SLC1A3: variants seen among roughly 807,000 people sequenced by gnomAD.
SLC1A3 encodes the protein excitatory amino acid transporter 1.
In SLC1A3, 21 loss-of-function variants were observed where a neutral mutation model predicts 48.1. The observed-to-expected ratio is 0.44, with a 90% CI of 0.31 to 0.63. The LOEUF is 0.63. Ranked by LOEUF, SLC1A3 falls within the 20% of genes least tolerant of loss-of-function variation. The pLI, the probability that SLC1A3 is intolerant of heterozygous loss-of-function variation, is 0.08. For missense variants in SLC1A3, 546 were observed against 689.0 expected (o/e 0.79, Z 2.32); for synonymous variants, 239 against 251.4 (o/e 0.95, Z 0.47).
At chr5:36,676,811 T>G in intron 5 of SLC1A3, 81 bp from the exon 6 acceptor site, 2 of 1,079,716 alleles carry the variant, frequency 1.9e-6, no homozygotes, top group Non-Finnish European at 2.7e-6. Context: ...CAGTAATCAT[T>G]TTAGAAAATT....
chr5:36,629,402 C>G (rs769256490), intron 2 of SLC1A3, 48 bp from the exon 3 acceptor site: 27 of 1,548,006 alleles, frequency 1.7e-5, no homozygotes, highest in Non-Finnish European at 3.5e-6. Flanking sequence ...CCTTCTGTTT[C>G]AAAAAAGACT....
At chr5:36,629,357 C>G (rs1740036387) in intron 2 of SLC1A3, 93 bp from the exon 3 acceptor site, 3 of 1,101,662 alleles carry the variant, frequency 2.7e-6, no homozygotes, top group South Asian at 2.7e-5. Context: ...AATACAACCA[C>G]CAGCCAAATA....
intron 3 of SLC1A3, 83 bp from the exon 4 acceptor site, chr5:36,670,946 T>A (rs1741966005): frequency 1.7e-6 from 2 of 1,206,496 alleles, no homozygotes; most frequent in Admixed American, 3.6e-5. Context: ...TAGGGGAGTA[T>A]AAAGGAAATG....
intron 4 of SLC1A3, among the ~76,000 whole-genome samples, chr5:36,672,289 A>G (rs1294904236): frequency 6.6e-6 from 1 of 152,210 alleles, no homozygotes. Flanking sequence ...GTAGGAAGCC[A>G]GAGGGCAAGA....
At chr5:36,596,841 A>G (rs373921810) in intron 1 of SLC1A3, among the ~76,000 whole-genome samples, 39 of 152,316 alleles carry the variant, frequency 2.6e-4, no homozygotes, top group African/African-American at 9.1e-4. Flanking sequence ...TGGTGAATCT[A>G]TTGCCCTTTA....
At chr5:36,609,646 A>G (rs1254650490) in intron 2 of SLC1A3, among the ~76,000 whole-genome samples, 1 of 152,186 alleles carries the variant, frequency 6.6e-6, no homozygotes, top group Non-Finnish European at 1.5e-5. Context: ...ATAGCAGGAG[A>G]GTTTGTCACA....
chr5:36,626,444 A>G (rs575869270), intron 2 of SLC1A3, among the ~76,000 whole-genome samples: 26 of 152,224 alleles, frequency 1.7e-4, no homozygotes, highest in Non-Finnish European at 3.5e-4. Flanking sequence ...AATAACAAAC[A>G]GCCAACTTGG....
At chr5:36,600,070 A>G (rs1424855923) in intron 1 of SLC1A3, among the ~76,000 whole-genome samples, 1 of 152,082 alleles carries the variant, frequency 6.6e-6, no homozygotes, top group Non-Finnish European at 1.5e-5. Context: ...AGTTTATGGG[A>G]ATTTCATTCT....
chr5:36,641,185 T>G (rs1740604672), intron 3 of SLC1A3, among the ~76,000 whole-genome samples: 1 of 152,184 alleles, frequency 6.6e-6, no homozygotes, highest in African/African-American at 2.4e-5. Flanking sequence ...GCTGTGAAAT[T>G]TGGGGACAAA....
intron 2 of SLC1A3, among the ~76,000 whole-genome samples, chr5:36,620,931 G>T (rs1739638167): frequency 1.3e-5 from 2 of 150,976 alleles, no homozygotes; most frequent in Non-Finnish European, 2.9e-5. Context: ...TTTTAGGCAG[G>T]GTCTCTCTCT....
At chr5:36,670,608 C>T (rs563951057) in intron 3 of SLC1A3, among the ~76,000 whole-genome samples, 3 of 152,230 alleles carry the variant, frequency 2.0e-5, no homozygotes, top group African/African-American at 7.2e-5. Context: ...TTGAGGTAAA[C>T]TTAGATTATC....
Position 36,628,482 on chromosome 5 carries a change from A to C in SLC1A3, c.182-968A>C, listed in dbSNP as rs1739999928. On this transcript the variant is annotated intron_variant, in intron 2 of 9. Transcript: ENST00000265113. Reference sequence around the variant, plus strand: ...GGGCATGCTGCTTTCTCTATAACTTACATGGACTTTTTTAAAAAATGGAAT... The same window carrying C: ...GGGCATGCTGCTTTCTCTATAACTTCCATGGACTTTTTTAAAAAATGGAAT... Among the ~76,000 whole-genome samples the C allele has an allele frequency of 3.3e-5, 5 of 152,172 alleles. No individual in the cohort carries two copies. The South Asian group carries it at 1.0e-3, about 32-fold the overall frequency.
chr5:36,601,950 GTATGCAGTAGT>G (rs1277463853), upstream of SLC1A3, among the ~76,000 whole-genome samples: 1 of 152,104 alleles, frequency 6.6e-6, no homozygotes, highest in African/African-American at 2.4e-5. Context: ...TGGTTCCTAA[GTATGCAGTAGT>G]TATCCATACA....
intron 3 of SLC1A3, among the ~76,000 whole-genome samples, chr5:36,639,568 A>G (rs1191361221): frequency 3.3e-5 from 5 of 152,200 alleles, no homozygotes; most frequent in Non-Finnish European, 7.3e-5. Context: ...TTTCTGAATG[A>G]TTGATGACTA....
intron 4 of SLC1A3, 86 bp from the exon 5 acceptor site, chr5:36,673,963 C>CT: frequency 9.3e-7 from 1 of 1,076,836 alleles, no homozygotes; most frequent in South Asian, 1.3e-5. Flanking sequence ...TCAATGCAAT[C>CT]TTTACCTTAC....
At chr5:36,629,675 C>A in intron 3 of SLC1A3, 88 bp downstream of exon 3, 2 of 1,120,864 alleles carry the variant, frequency 1.8e-6, no homozygotes, top group Non-Finnish European at 2.7e-6. Flanking sequence ...CTTTAGGTTT[C>A]TGCTGGATGC....
At chr5:36,647,209 A>G (rs1418933643) in intron 3 of SLC1A3, among the ~76,000 whole-genome samples, 1 of 152,180 alleles carries the variant, frequency 6.6e-6, no homozygotes, top group Non-Finnish European at 1.5e-5. Context: ...TAAGAGTCTA[A>G]TTTGGTCATT....
chr5:36,632,564 A>AGTT (rs1187184621), intron 3 of SLC1A3, among the ~76,000 whole-genome samples: 1 of 152,234 alleles, frequency 6.6e-6, no homozygotes, highest in Non-Finnish European at 1.5e-5. Flanking sequence ...CAGAAGGAAC[A>AGTT]CTGGAGTAAG....
chr5:36,624,048 C>T (rs1024202693), intron 2 of SLC1A3, among the ~76,000 whole-genome samples: 22 of 152,190 alleles, frequency 1.4e-4, no homozygotes, highest in African/African-American at 5.1e-4. Flanking sequence ...AAGCAGCCTT[C>T]GTATTCACCG....
Sources: gnomAD v4.1 joint callset for allele counts (sites outside exome capture counted in the v4.1 genomes callset) on GRCh38, gnomAD v4.1.1 for gene constraint, MANE v1.5 for transcripts, NCBI Gene and HGNC (gene_info 2026-07-23, HGNC 2026-07-21) for gene names.